PHLPP1: variants seen among roughly 807,000 people sequenced by gnomAD.
The protein encoded by PHLPP1 is PH domain and leucine rich repeat protein phosphatase 1.
PHLPP1 carries 42 observed loss-of-function variants against 117.2 expected under a neutral mutation model. The ratio of observed to expected loss-of-function variants is 0.36; its 90% CI spans 0.28 to 0.46. PHLPP1 has a LOEUF of 0.46. Ranked by LOEUF, PHLPP1 falls within the 20% of genes least tolerant of loss-of-function variation. The pLI is 1.00. For missense variants in PHLPP1, 2,084 were observed against 2,241.9 expected, an observed-to-expected ratio of 0.93 and a Z score of 1.42; for synonymous variants, 1,042 against 970.7, an observed-to-expected ratio of 1.07 and a Z score of -1.37.
At chr18:62,959,181 G>A (rs1910699168) in intron 13 of PHLPP1, among the ~76,000 whole-genome samples, 1 of 152,172 alleles carries the variant, frequency 6.6e-6, no homozygotes, top group African/African-American at 2.4e-5. Context: ...AGTTTTCTAT[G>A]TAAAACCTTA....
intron 1 of PHLPP1, among the ~76,000 whole-genome samples, chr18:62,736,710 A>G (rs954992222): frequency 6.6e-6 from 1 of 152,196 alleles, no homozygotes; most frequent in Non-Finnish European, 1.5e-5. Context: ...TGAAATGGTA[A>G]TACATGTTAA....
At chr18:62,874,649 GCACGCGCGCACA>G (rs1363574906) in intron 4 of PHLPP1, among the ~76,000 whole-genome samples, 1 of 96,396 alleles carries the variant, frequency 1.0e-5, no homozygotes, top group Non-Finnish European at 2.5e-5. Flanking sequence ...GGGCGCGCAC[GCACGCGCGCACA>G]CACACACACA....
At chr18:62,861,100 A>G (rs1307407412) in intron 4 of PHLPP1, among the ~76,000 whole-genome samples, 2 of 152,106 alleles carry the variant, frequency 1.3e-5, no homozygotes, top group East Asian at 1.9e-4. Context: ...TTAAATAAAT[A>G]GAACCTGCTC....
rs201044618 is a variant in PHLPP1, at chr18:62,761,971, CATT to C, written c.1576+44715_1576+44717del. Reference sequence around the variant, plus strand: ...GGAAAAATGTCCTACACTCTATCCTCATTATAATTAGATGATCTTAAACCTAAT... The same window carrying C: ...GGAAAAATGTCCTACACTCTATCCTCATAATTAGATGATCTTAAACCTAAT... On this transcript the variant is annotated intron_variant, in intron 1 of 16. Coordinates refer to ENST00000262719, the MANE Select transcript of PHLPP1 (RefSeq NM_194449.4). 5.3e-3 allele frequency among the ~76,000 whole-genome samples: 806 copies of C among 152,256 alleles called. 32 individuals are homozygous for C. The highest frequency in any genetic ancestry group is 0.041 in the Admixed American group (634 of 15,302).
At chr18:62,883,486 T>C (rs1418125825) in intron 4 of PHLPP1, among the ~76,000 whole-genome samples, 1 of 152,196 alleles carries the variant, frequency 6.6e-6, no homozygotes, top group African/African-American at 2.4e-5. Flanking sequence ...AAATAAAAAT[T>C]GAAATGACCT....
At position 62,927,777 on chromosome 18, in the gene PHLPP1, C is replaced by CA. The variant is rs905289576; in HGVS notation, c.2960+7673dup. ...TATATGTGTCCTTGAAGAACAAAGA[C>CA]AAAAAAAAAATTGACAGAACTATTA... On this transcript the variant is annotated intron_variant, in intron 10 of 16. Transcript: ENST00000262719. Among the ~76,000 whole-genome samples the CA allele has an allele frequency of 9.4e-3, 1,375 of 146,594 alleles. 29 individuals carry two copies. The highest frequency in any genetic ancestry group is 0.032 in the African/African-American group (1,300 of 40,078).
At chr18:62,863,191 T>C (rs926370984) in intron 4 of PHLPP1, among the ~76,000 whole-genome samples, 4 of 151,828 alleles carry the variant, frequency 2.6e-5, no homozygotes, top group African/African-American at 9.7e-5. Flanking sequence ...CTTTTCTCTC[T>C]CTCTTCTTTT....
At chr18:62,779,237 C>G (rs1407298911) in intron 1 of PHLPP1, among the ~76,000 whole-genome samples, 2 of 152,110 alleles carry the variant, frequency 1.3e-5, no homozygotes, top group Admixed American at 1.3e-4. Context: ...TGTTGGTAAT[C>G]TTCTTTTCCA....
In PHLPP1 at chr18:62,864,210, T is replaced by TG. The variant is rs573551948; in HGVS notation, c.2066+3613dup. ...CTAATTTTTGTATTTTTAGTAGAGGTGGGGTTTCACCATGTTGGCCAGGCT... is the reference window on the plus strand; with the variant it reads ...CTAATTTTTGTATTTTTAGTAGAGGTGGGGGTTTCACCATGTTGGCCAGGCT... On this transcript the variant is annotated intron_variant, in intron 4 of 16. Transcript: ENST00000262719. Among the ~76,000 whole-genome samples the TG allele has an allele frequency of 1.2e-3, 185 of 151,950 alleles. 1 individual carries two copies. Among genetic ancestry groups the TG allele is most frequent in the African/African-American group, 3.5e-3 (144 of 41,442 alleles).
At chr18:62,727,485 C>A (rs584206) in intron 1 of PHLPP1, among the ~76,000 whole-genome samples, 2 of 151,440 alleles carry the variant, frequency 1.3e-5, no homozygotes, top group Non-Finnish European at 2.9e-5. Flanking sequence ...GGCATGGTAG[C>A]ATGCTTGTAG....
intron 3 of PHLPP1, among the ~76,000 whole-genome samples, chr18:62,840,792 A>G (rs1006068791): frequency 2.6e-5 from 4 of 152,164 alleles, no homozygotes; most frequent in Non-Finnish European, 5.9e-5. Context: ...TAGTTTCCCA[A>G]CCCCCTCACT....
chr18:62,791,047 G>A (rs1174194606), intron 1 of PHLPP1, among the ~76,000 whole-genome samples: 2 of 152,068 alleles, frequency 1.3e-5, no homozygotes, highest in African/African-American at 2.4e-5. Context: ...AGACCTGGCC[G>A]GAGCTTGGAC....
chr18:62,809,109 A>C (rs567729396), intron 1 of PHLPP1, among the ~76,000 whole-genome samples: 1 of 152,214 alleles, frequency 6.6e-6, no homozygotes, highest in Non-Finnish European at 1.5e-5. Flanking sequence ...TTTTAAAAAT[A>C]TATGTTTTAT....
chr18:62,866,843 C>CT (rs1166976325), intron 4 of PHLPP1, among the ~76,000 whole-genome samples: 1 of 152,088 alleles, frequency 6.6e-6, no homozygotes, highest in African/African-American at 2.4e-5. Context: ...AGCTCATCCT[C>CT]TTTTCTCCTC....
intron 1 of PHLPP1, among the ~76,000 whole-genome samples, chr18:62,800,114 GC>G (rs1205298138): frequency 6.6e-6 from 1 of 152,102 alleles, no homozygotes; most frequent in African/African-American, 2.4e-5. Context: ...CCAGGGCACG[GC>G]CAGCTGGAGG....
chr18:62,944,143 A>G, intron 11 of PHLPP1, among the ~76,000 whole-genome samples: 1 of 152,142 alleles, frequency 6.6e-6, no homozygotes, highest in Non-Finnish European at 1.5e-5. Flanking sequence ...CAAAAAATGT[A>G]AACTATTATT....
At chr18:62,890,262 A>T (rs570056943) in intron 4 of PHLPP1, among the ~76,000 whole-genome samples, 77 of 151,740 alleles carry the variant, frequency 5.1e-4, no homozygotes, top group East Asian at 7.7e-4. Context: ...ATTTATAAAT[A>T]ATTTATTTAT....
At chr18:62,770,829 A>G (rs986785663) in intron 1 of PHLPP1, among the ~76,000 whole-genome samples, 14 of 152,158 alleles carry the variant, frequency 9.2e-5, no homozygotes, top group Non-Finnish European at 1.5e-4. Flanking sequence ...TATGTTTCCT[A>G]TACACCTTAT....
rs867812474 is a variant in PHLPP1 at position 62,924,679 on chromosome 18, A to G, written c.2960+4565A>G. ...CAAGACCCTGTCACTACAAATTGAA[A>G]AAAAAAAAAAAAAAAAAAAAGTCAG... On this transcript the variant is annotated intron_variant, in intron 10 of 16. Coordinates refer to ENST00000262719, the MANE Select transcript of PHLPP1 (RefSeq NM_194449.4). Among the ~76,000 whole-genome samples, 219 of 123,306 alleles carry G rather than the reference A, an allele frequency of 1.8e-3. 4 individuals carry two copies. Among genetic ancestry groups the G allele is most frequent in the Middle Eastern group, 4.3e-3 (1 of 234 alleles). The allele number at this position is 123,306 out of a possible 152,430, so 80.9% of individuals were successfully genotyped here. A position where few individuals can be genotyped will look rare whatever the true frequency, so the allele number is the denominator to read the frequency against.
Sources: allele counts gnomAD v4.1 joint callset (sites outside exome capture counted in the v4.1 genomes callset), GRCh38; gene constraint gnomAD v4.1.1; transcripts MANE v1.5; gene names NCBI Gene and HGNC (gene_info 2026-07-23, HGNC 2026-07-21).